Variants in SPATS2L observed in about 807,000 individuals in gnomAD.
SPATS2L encodes SPATS2-like protein.
Under a neutral mutation model 59.6 loss-of-function variants are expected in SPATS2L, and 30 were observed. The observed-to-expected ratio is 0.50, with a 90% CI of 0.38 to 0.68. The LOEUF (loss-of-function observed/expected upper bound fraction) is 0.68. SPATS2L is among the 30% of genes least tolerant of loss of function. The probability of loss-of-function intolerance (pLI) is 0.00; values close to 1 mark genes in which losing one functional copy is unlikely to be tolerated. For synonymous variants in SPATS2L, 252 were observed against 263.5 expected (o/e 0.96, Z 0.42); for missense variants, 615 against 700.0 (o/e 0.88, Z 1.37).
chr2:200,347,294 C>T (rs2080546185), intron 2 of SPATS2L, among the ~76,000 whole-genome samples: 1 of 152,144 alleles, frequency 6.6e-6, no homozygotes, highest in South Asian at 2.1e-4. Context: ...GCCTCCTTTG[C>T]AGTGAGGGGT....
chr2:200,374,850 G>A (rs552571507), intron 2 of SPATS2L, among the ~76,000 whole-genome samples: 29 of 152,278 alleles, frequency 1.9e-4, no homozygotes, highest in Non-Finnish European at 3.4e-4. Flanking sequence ...GTCTTCCAAA[G>A]GGAAATAATA....
chr2:200,467,539 C>T, intron 10 of SPATS2L, 140 bp downstream of exon 10: 1 of 631,990 alleles, frequency 1.6e-6, no homozygotes, highest in Non-Finnish European at 2.9e-6. Context: ...AAATAGAGAA[C>T]ACAGAAGGGG....
At chr2:200,438,274 C>T (rs1464720439) in intron 6 of SPATS2L, among the ~76,000 whole-genome samples, 1 of 151,922 alleles carries the variant, frequency 6.6e-6, no homozygotes, top group Non-Finnish European at 1.5e-5. Flanking sequence ...CTTGGTTCTC[C>T]TAGATCAAAA....
chr2:200,406,567 T>C (rs979516631), intron 3 of SPATS2L, among the ~76,000 whole-genome samples: 1 of 152,200 alleles, frequency 6.6e-6, no homozygotes, highest in Non-Finnish European at 1.5e-5. Flanking sequence ...TTGTGTTGAA[T>C]AGCTCAGACC....
chr2:200,364,483 C>A (rs1412351762), intron 2 of SPATS2L, among the ~76,000 whole-genome samples: 1 of 152,138 alleles, frequency 6.6e-6, no homozygotes, highest in East Asian at 1.9e-4. Context: ...TGCCGATGGA[C>A]TTCTTTCTTA....
chr2:200,450,794 C>T (rs1426253230), intron 8 of SPATS2L, among the ~76,000 whole-genome samples: 1 of 152,112 alleles, frequency 6.6e-6, no homozygotes, highest in Non-Finnish European at 1.5e-5. Context: ...AGCCCATGCA[C>T]TAGTGGCTGC....
chr2:200,477,512 G>GTA, intron 12 of SPATS2L, 124 bp from the exon 13 acceptor site: 4 of 559,228 alleles, frequency 7.2e-6, no homozygotes, highest in East Asian at 3.5e-5. Context: ...TTCTTCTGGT[G>GTA]TATAAAAAAA....
At chr2:200,336,489 A>G (rs2080147724) in intron 2 of SPATS2L, among the ~76,000 whole-genome samples, 1 of 152,226 alleles carries the variant, frequency 6.6e-6, no homozygotes, top group South Asian at 2.1e-4. Context: ...CTTACTGCTC[A>G]TAGTTAAAAT....
chr2:200,308,639 A>G (rs1262640218), intron 1 of SPATS2L, among the ~76,000 whole-genome samples: 5 of 152,210 alleles, frequency 3.3e-5, no homozygotes, highest in Admixed American at 6.5e-5. Context: ...ACACACACAC[A>G]CACAGACACA....
chr2:200,345,303 C>A (rs905430886), intron 2 of SPATS2L, among the ~76,000 whole-genome samples: 6 of 152,034 alleles, frequency 3.9e-5, no homozygotes, highest in Non-Finnish European at 7.4e-5. Flanking sequence ...GCCAGTTATT[C>A]CAGCAACAAA....
At chr2:200,394,514 G>A (rs541550196) in intron 3 of SPATS2L, among the ~76,000 whole-genome samples, 9 of 152,294 alleles carry the variant, frequency 5.9e-5, no homozygotes, top group Middle Eastern at 3.4e-3. Flanking sequence ...TGGAGGCAGA[G>A]AATGGGTCTT....
rs534704655 is a variant in SPATS2L at position 200,307,002 on chromosome 2, G to A, written c.-73+80G>A. 6.4e-5 allele frequency: 63 copies of A among 977,976 alleles called. No individual in the cohort carries two copies. The African/African-American group carries it at 8.9e-4, about 14-fold the overall frequency. The allele number at this position is 977,976 out of a possible 1,614,324, so 60.6% of individuals were successfully genotyped here. On this transcript the variant is annotated intron_variant, in intron 1 of 12. Transcript: ENST00000409140. ...GACGCGGAGGGGCCTGCGCGGCCGG[G>A]ACGGAGACTCGGCTGGGCCGAGCAT...
intron 3 of SPATS2L, among the ~76,000 whole-genome samples, chr2:200,393,902 G>C (rs1289912943): frequency 2.0e-5 from 3 of 152,200 alleles, no homozygotes; most frequent in Non-Finnish European, 4.4e-5. Context: ...TACTTCATAA[G>C]AAGTGTTGGA....
At chr2:200,376,644 C>T (rs1053033791) in intron 2 of SPATS2L, among the ~76,000 whole-genome samples, 1 of 152,208 alleles carries the variant, frequency 6.6e-6, no homozygotes, top group South Asian at 2.1e-4. Context: ...GGCAGGAAAT[C>T]GTGACCTGAC....
chr2:200,438,787 G>A (rs1042632911), intron 6 of SPATS2L, among the ~76,000 whole-genome samples: 6 of 152,076 alleles, frequency 3.9e-5, no homozygotes, highest in Non-Finnish European at 7.4e-5. Context: ...GAATAGCAGG[G>A]GGGAAAAGGC....
chr2:200,355,661 T>C (rs2080891178), intron 2 of SPATS2L, among the ~76,000 whole-genome samples: 1 of 152,236 alleles, frequency 6.6e-6, no homozygotes, highest in Admixed American at 6.5e-5. Context: ...CTGAATTGAG[T>C]TCTCCTTCCA....
intron 2 of SPATS2L, among the ~76,000 whole-genome samples, chr2:200,377,556 T>C (rs1218418329): frequency 6.6e-6 from 1 of 152,156 alleles, no homozygotes; most frequent in Non-Finnish European, 1.5e-5. Flanking sequence ...GTAACATATA[T>C]AGGACTAATG....
At chr2:200,333,898 A>G (rs1382390280) in intron 2 of SPATS2L, among the ~76,000 whole-genome samples, 78 of 127,266 alleles carry the variant, frequency 6.1e-4, no homozygotes, top group Non-Finnish European at 1.2e-3. Context: ...AATCCAGTCT[A>G]TCATTGTTGG....
At chr2:200,351,706 A>G (rs2080738000) in intron 2 of SPATS2L, among the ~76,000 whole-genome samples, 1 of 140,940 alleles carries the variant, frequency 7.1e-6, no homozygotes, top group South Asian at 2.4e-4. Context: ...GGAGTTATAG[A>G]TTGAGATTTT....
Sources: allele counts gnomAD v4.1 joint callset (sites outside exome capture counted in the v4.1 genomes callset), GRCh38; gene constraint gnomAD v4.1.1; transcripts MANE v1.5; gene names NCBI Gene and HGNC (gene_info 2026-07-23, HGNC 2026-07-21).